The following SKAP2 variants were observed in gnomAD, a reference collection of about 807,000 sequenced individuals.
The protein encoded by SKAP2 is src kinase-associated phosphoprotein 2.
A neutral mutation model predicts 54.9 loss-of-function variants in SKAP2; 28 were observed. The ratio of observed to expected loss-of-function variants is 0.51; its 90% CI spans 0.38 to 0.70. SKAP2 has a LOEUF of 0.70. Ranked by LOEUF, SKAP2 falls within the 30% of genes least tolerant of loss-of-function variation. The pLI is 0.00. For missense variants in SKAP2, 356 were observed against 424.1 expected, an observed-to-expected ratio of 0.84 and a Z score of 1.41; for synonymous variants, 137 against 134.3, an observed-to-expected ratio of 1.02 and a Z score of -0.14.
intron 6 of SKAP2, among the ~76,000 whole-genome samples, chr7:26,733,676 A>C (rs1787866579): frequency 1.3e-5 from 2 of 152,108 alleles, no homozygotes; most frequent in Admixed American, 1.3e-4. Flanking sequence ...TCAATGAAAA[A>C]TTTTATTTCT....
chr7:26,707,322 T>C (rs1486338686), intron 9 of SKAP2, among the ~76,000 whole-genome samples: 1 of 151,342 alleles, frequency 6.6e-6, no homozygotes, highest in African/African-American at 2.4e-5. Context: ...ATCACACCAC[T>C]GCACTCCAGC....
chr7:26,683,531 T>TGGAAGGAAGGAAGGAAGGAA (rs1419399209), intron 11 of SKAP2, among the ~76,000 whole-genome samples: 1 of 91,118 alleles, frequency 1.1e-5, no homozygotes, highest in African/African-American at 4.8e-5. Context: ...TTATGATGGA[T>TGGAAGGAAGGAAGGAAGGAA]GGATGGAAGG....
the SKAP2 span, among the ~76,000 whole-genome samples, chr7:26,656,325 T>C: frequency 4.1e-4 from 62 of 152,356 alleles, no homozygotes; most frequent in African/African-American, 1.5e-3. Context: ...TGCATTTTTC[T>C]ACAGCTGTGA....
chr7:26,796,170 C>T (rs767953612), intron 4 of SKAP2, among the ~76,000 whole-genome samples: 8 of 152,048 alleles, frequency 5.3e-5, no homozygotes, highest in Non-Finnish European at 8.8e-5. Context: ...CATGATGCTA[C>T]GAAAAGTCAA....
At chr7:26,854,583 A>T (rs1428512607) in intron 2 of SKAP2, among the ~76,000 whole-genome samples, 1 of 152,096 alleles carries the variant, frequency 6.6e-6, no homozygotes, top group Non-Finnish European at 1.5e-5. Context: ...AAAATACATA[A>T]TCAAGAAGGG....
chr7:26,843,552 A>T (rs1784860155), intron 4 of SKAP2, among the ~76,000 whole-genome samples: 1 of 152,082 alleles, frequency 6.6e-6, no homozygotes, highest in South Asian at 2.1e-4. Flanking sequence ...GAAAATGCGC[A>T]TTAAAAGAAG....
At chr7:26,725,260 C>A (rs1413292885) in intron 9 of SKAP2, among the ~76,000 whole-genome samples, 168 bp downstream of exon 9, 2 of 151,956 alleles carry the variant, frequency 1.3e-5, no homozygotes, top group Admixed American at 6.6e-5. Context: ...CAAGCAGAAC[C>A]CTTTTTGTAA....
At chr7:26,747,790 C>T (rs1782588590) in intron 4 of SKAP2, among the ~76,000 whole-genome samples, 1 of 151,584 alleles carries the variant, frequency 6.6e-6, no homozygotes, top group Non-Finnish European at 1.5e-5. Context: ...CTCTTCCCTC[C>T]CCTCCGCTCC....
chr7:26,670,063 A>G (rs1786194763), intron 12 of SKAP2, 28 bp downstream of exon 12: 1 of 918,066 alleles, frequency 1.1e-6, no homozygotes, highest in Non-Finnish European at 1.8e-6. Flanking sequence ...ATGAGCTATT[A>G]CAGAATATTG....
chr7:26,686,509 C>T (rs556376889), intron 10 of SKAP2, among the ~76,000 whole-genome samples: 1 of 152,158 alleles, frequency 6.6e-6, no homozygotes, highest in South Asian at 2.1e-4. Flanking sequence ...ACATTTTTTT[C>T]CCCAAAGCAT....
At chr7:26,816,029 C>T (rs753277236) in intron 4 of SKAP2, among the ~76,000 whole-genome samples, 72 of 151,958 alleles carry the variant, frequency 4.7e-4, no homozygotes, top group South Asian at 1.2e-3. Context: ...TATTTACTTT[C>T]CAAAAGGAGA....
At chr7:26,757,331 T>C (rs1004483326) in intron 4 of SKAP2, among the ~76,000 whole-genome samples, 1 of 152,258 alleles carries the variant, frequency 6.6e-6, no homozygotes, top group Non-Finnish European at 1.5e-5. Flanking sequence ...CTTTACTCCA[T>C]CTTGAATTAA....
intron 3 of SKAP2, among the ~76,000 whole-genome samples, chr7:26,851,685 T>C (rs1390941629): frequency 6.7e-6 from 1 of 149,936 alleles, no homozygotes; most frequent in Non-Finnish European, 1.5e-5. Context: ...CTGCATGTTG[T>C]GCACATGTAC....
At chr7:26,857,468 G>T in intron 1 of SKAP2, 1 of 985,126 alleles carries the variant, frequency 1.0e-6, no homozygotes. Flanking sequence ...TTTTAGAATC[G>T]AATGAAACCA....
chr7:26,702,823 C>G (rs576861908), intron 9 of SKAP2, among the ~76,000 whole-genome samples: 3 of 151,976 alleles, frequency 2.0e-5, no homozygotes, highest in Non-Finnish European at 2.9e-5. Context: ...TCTACTATCA[C>G]CACATTTCCC....
intron 9 of SKAP2, among the ~76,000 whole-genome samples, chr7:26,722,708 C>T (rs1787604830): frequency 6.6e-6 from 1 of 152,074 alleles, no homozygotes; most frequent in African/African-American, 2.4e-5. Flanking sequence ...TGCGCCCAGC[C>T]CATTGCAATT....
At position 26,740,052 on chromosome 7, in the gene SKAP2, C is replaced by G. The variant is rs1022798559; in HGVS notation, c.308-88G>C. The G allele has an allele frequency of 1.4e-4, 104 of 734,986 alleles. No homozygotes were observed. In the South Asian group the frequency reaches 1.8e-3, roughly 13 times the overall value. The allele number at this position is 734,986 out of a possible 1,614,324, so 45.5% of individuals were successfully genotyped here. Reference sequence around the variant, plus strand: ...GCCAGATCTCATTAGATTCAGTGTGCTTTTAATTACTGAAATTGTTTAAAT... The same window carrying G: ...GCCAGATCTCATTAGATTCAGTGTGGTTTTAATTACTGAAATTGTTTAAAT... On this transcript the variant is annotated intron_variant, in intron 4 of 12. Coordinates refer to ENST00000345317, the MANE Select transcript of SKAP2 (RefSeq NM_003930.5).
Position 26,695,694 on chromosome 7 carries a change from G to A in SKAP2, c.797-5332C>T, listed in dbSNP as rs556275099. Among the ~76,000 whole-genome samples, 14 of 152,296 alleles carry A rather than the reference G, an allele frequency of 9.2e-5. No individual in the cohort carries two copies. In the South Asian group the frequency reaches 2.7e-3, roughly 29 times the overall value. On this transcript the variant is annotated intron_variant, in intron 9 of 12. Transcript: ENST00000345317. Reference sequence around the variant, plus strand: ...ACACTATCATAGCATCGTATCTGAAGAACATCTTAAGCAAACTTTTTAGTG... The same window carrying A: ...ACACTATCATAGCATCGTATCTGAAAAACATCTTAAGCAAACTTTTTAGTG...
chr7:26,722,830 A>G (rs1316986298), intron 9 of SKAP2, among the ~76,000 whole-genome samples: 3 of 152,228 alleles, frequency 2.0e-5, no homozygotes, highest in Non-Finnish European at 2.9e-5. Flanking sequence ...TCAGAAAAAG[A>G]GCTTTGTGAT....
Sources: allele counts gnomAD v4.1 joint callset (sites outside exome capture counted in the v4.1 genomes callset), GRCh38; gene constraint gnomAD v4.1.1; transcripts MANE v1.5; gene names NCBI Gene and HGNC (gene_info 2026-07-23, HGNC 2026-07-21).